Variants in CSMD1 observed in about 807,000 individuals in gnomAD.
CSMD1 encodes CUB and sushi domain-containing protein 1.
CSMD1 carries 213 observed loss-of-function variants against 417.5 expected under a neutral mutation model. The ratio of observed to expected loss-of-function variants is 0.51; its 90% CI spans 0.46 to 0.57. The LOEUF is 0.57. CSMD1 is among the 20% of genes least tolerant of loss of function. The pLI is 0.00. For missense variants in CSMD1, 6,923 were observed against 4,529.7 expected (o/e 1.53, Z -15.17); for synonymous variants, 2,862 against 1,736.8 (o/e 1.65, Z -16.11).
At chr8:3,547,279 C>G (rs1214895028) in intron 10 of CSMD1, among the ~76,000 whole-genome samples, 1 of 152,192 alleles carries the variant, frequency 6.6e-6, no homozygotes, top group Non-Finnish European at 1.5e-5. Flanking sequence ...GACAGAAAGT[C>G]ATACTCGACA....
At chr8:4,722,273 C>G (rs1181185768) in intron 1 of CSMD1, among the ~76,000 whole-genome samples, 1 of 151,898 alleles carries the variant, frequency 6.6e-6, no homozygotes, top group Non-Finnish European at 1.5e-5. Context: ...ATATTATATT[C>G]CTTAAATACA....
intron 5 of CSMD1, among the ~76,000 whole-genome samples, chr8:3,926,204 C>T (rs1422400585): frequency 6.6e-6 from 1 of 151,926 alleles, no homozygotes; most frequent in African/African-American, 2.4e-5. Flanking sequence ...ATTTTAAGTA[C>T]TAATAACGTA....
At chr8:3,492,976 G>T (rs553602753) in intron 11 of CSMD1, among the ~76,000 whole-genome samples, 1 of 152,138 alleles carries the variant, frequency 6.6e-6, no homozygotes, top group Non-Finnish European at 1.5e-5. Context: ...TAACATCACA[G>T]GGAAGCAGAG....
chr8:4,472,841 A>G (rs909891258), intron 2 of CSMD1, among the ~76,000 whole-genome samples: 2 of 152,004 alleles, frequency 1.3e-5, no homozygotes, highest in Admixed American at 6.6e-5. Flanking sequence ...CCTTTCTGTA[A>G]GTGTGATGAC....
At chr8:3,853,211 G>C (rs993742227) in intron 5 of CSMD1, among the ~76,000 whole-genome samples, 2 of 152,146 alleles carry the variant, frequency 1.3e-5, no homozygotes, top group Non-Finnish European at 2.9e-5. Flanking sequence ...CATGTTTTCA[G>C]TCTTCTTTGT....
chr8:4,466,173 A>G (rs1800155215), intron 2 of CSMD1, among the ~76,000 whole-genome samples: 1 of 152,184 alleles, frequency 6.6e-6, no homozygotes, highest in South Asian at 2.1e-4. Flanking sequence ...CCGTGGTCTT[A>G]AGAGCTGTTT....
chr8:4,403,456 C>T (rs1358357785), intron 3 of CSMD1, among the ~76,000 whole-genome samples: 1 of 152,136 alleles, frequency 6.6e-6, no homozygotes, highest in Admixed American at 6.5e-5. Context: ...ATGTCCTTAT[C>T]AGGGTCACCA....
At chr8:3,900,915 C>T (rs1356850452) in intron 5 of CSMD1, among the ~76,000 whole-genome samples, 2 of 152,196 alleles carry the variant, frequency 1.3e-5, no homozygotes, top group Non-Finnish European at 2.9e-5. Context: ...CTCGTGCATC[C>T]AAACACTATG....
chr8:4,389,391 C>A (rs1445556225), intron 3 of CSMD1, among the ~76,000 whole-genome samples: 1 of 152,020 alleles, frequency 6.6e-6, no homozygotes, highest in Non-Finnish European at 1.5e-5. Context: ...TTAATGAGGT[C>A]CCCAGAATTA....
chr8:4,476,700 G>A (rs1299004904), intron 2 of CSMD1, among the ~76,000 whole-genome samples: 2 of 152,132 alleles, frequency 1.3e-5, no homozygotes, highest in Non-Finnish European at 2.9e-5. Flanking sequence ...TTCAAGTCCC[G>A]ATTTCACCAC....
At chr8:3,316,348 G>A (rs562696997) in intron 23 of CSMD1, among the ~76,000 whole-genome samples, 33 of 152,254 alleles carry the variant, frequency 2.2e-4, no homozygotes, top group African/African-American at 7.2e-4. Context: ...AAATCTATCA[G>A]GAACTTTTTT....
intron 27 of CSMD1, among the ~76,000 whole-genome samples, chr8:3,226,820 A>T (rs1243811227): frequency 6.6e-6 from 1 of 152,174 alleles, no homozygotes; most frequent in Non-Finnish European, 1.5e-5. Context: ...ATTTTATAAA[A>T]GGGAAAGAAA....
In CSMD1 at chr8:4,261,689, C is replaced by A. The variant is rs1803895204; in HGVS notation, c.415+158264G>T. On this transcript the variant is annotated intron_variant, in intron 3 of 69. Transcript: ENST00000635120. ...CCTCCCAAAATGCTGGGACTACAGG[C>A]ATGAGTCACCTCTTCTGGCTGAGAG... 2.0e-5 allele frequency among the ~76,000 whole-genome samples: 3 copies of A among 152,124 alleles called. No individual in the cohort carries two copies. The South Asian group carries it at 6.2e-4, about 31-fold the overall frequency.
intron 17 of CSMD1, among the ~76,000 whole-genome samples, chr8:3,393,734 C>G (rs891465078): frequency 6.6e-6 from 1 of 151,152 alleles, no homozygotes. Context: ...CAAACTATGG[C>G]AAAGACAAAA....
At position 3,333,178 on chromosome 8, in the gene CSMD1, G is replaced by C. The variant is rs1585013525; in HGVS notation, c.3631+10116C>G. Among the ~76,000 whole-genome samples the C allele has an allele frequency of 2.0e-5, 3 of 152,246 alleles. No homozygotes were observed. The South Asian group carries it at 6.2e-4, about 32-fold the overall frequency. On this transcript the variant is annotated intron_variant, in intron 23 of 69. Coordinates refer to ENST00000635120, the MANE Select transcript of CSMD1 (RefSeq NM_033225.6). Reference sequence around the variant, plus strand: ...AGCCTGAAGAGGCCCCTGACACTCAGATGAGACCACAGCCCAGCCAACACC... The same window carrying C: ...AGCCTGAAGAGGCCCCTGACACTCACATGAGACCACAGCCCAGCCAACACC...
chr8:3,441,648 C>T (rs1222861105), intron 12 of CSMD1, among the ~76,000 whole-genome samples: 1 of 151,970 alleles, frequency 6.6e-6, no homozygotes, highest in Non-Finnish European at 1.5e-5. Context: ...TTGATCATAG[C>T]ACAATGCATT....
chr8:3,883,156 G>A lies in CSMD1; in HGVS notation c.818+114747C>T, dbSNP rs186060425. 2.0e-5 allele frequency among the ~76,000 whole-genome samples: 3 copies of A among 152,166 alleles called. No individual in the cohort carries two copies. In the East Asian group the frequency reaches 5.8e-4, roughly 29 times the overall value. On this transcript the variant is annotated intron_variant, in intron 5 of 69. Coordinates refer to ENST00000635120, the MANE Select transcript of CSMD1 (RefSeq NM_033225.6). ...TAACCACATCATACTTGCAAGCTCAGGCCTTGGAATTAAATGGCTGGGTGC... is the reference window on the plus strand; with the variant it reads ...TAACCACATCATACTTGCAAGCTCAAGCCTTGGAATTAAATGGCTGGGTGC...
chr8:4,538,919 C>T lies in CSMD1; in HGVS notation c.302+98423G>A, dbSNP rs565805035. Among the ~76,000 whole-genome samples the T allele has an allele frequency of 3.9e-5, 6 of 152,222 alleles. No individual in the cohort carries two copies. The South Asian group carries it at 8.3e-4, about 21-fold the overall frequency. On this transcript the variant is annotated intron_variant, in intron 2 of 69. Coordinates refer to ENST00000635120, the MANE Select transcript of CSMD1 (RefSeq NM_033225.6). ...TTTATGGAATCTTTGAATCTAAAAGCCCATATTGAATGCAGAAAGCTTTAT... is the reference window on the plus strand; with the variant it reads ...TTTATGGAATCTTTGAATCTAAAAGTCCATATTGAATGCAGAAAGCTTTAT...
At chr8:3,158,739 G>A (rs1395467130) in intron 38 of CSMD1, among the ~76,000 whole-genome samples, 1 of 151,792 alleles carries the variant, frequency 6.6e-6, no homozygotes, top group Non-Finnish European at 1.5e-5. Flanking sequence ...TCTGTGTGCG[G>A]CCTATTTTTA....
Sources: gnomAD v4.1 joint callset for allele counts (sites outside exome capture counted in the v4.1 genomes callset) on GRCh38, gnomAD v4.1.1 for gene constraint, MANE v1.5 for transcripts, NCBI Gene and HGNC (gene_info 2026-07-23, HGNC 2026-07-21) for gene names.